ENTREP2: variants seen among roughly 807,000 people sequenced by gnomAD.
ENTREP2 encodes the protein endosomal transmembrane epsin interactor 2, also known as protein ENTREP2.
chr15:29,436,132 G>A, the ENTREP2 span, among the ~76,000 whole-genome samples: 1 of 152,190 alleles, frequency 6.6e-6, no homozygotes, highest in Non-Finnish European at 1.5e-5. Context: ...CAGTTCAGAT[G>A]TCGGAGATCT....
chr15:29,292,298 CTTTT>C, the ENTREP2 span, among the ~76,000 whole-genome samples: 1 of 151,912 alleles, frequency 6.6e-6, no homozygotes, highest in Non-Finnish European at 1.5e-5. Flanking sequence ...TTCTTTCCTT[CTTTT>C]TCTCTTTCTT....
the ENTREP2 span, among the ~76,000 whole-genome samples, chr15:29,598,691 CTTTCTTTCTTTT>C: frequency 8.6e-6 from 1 of 116,696 alleles, no homozygotes; most frequent in African/African-American, 2.8e-5. Context: ...TCTTTTTTTT[CTTTCTTTCTTTT>C]TTTCTTTTTT....
chr15:29,283,982 T>G, the ENTREP2 span, among the ~76,000 whole-genome samples: 1 of 151,910 alleles, frequency 6.6e-6, no homozygotes, highest in Non-Finnish European at 1.5e-5. Context: ...CAGCACAAGA[T>G]AAAAAGTTAA....
chr15:29,501,058 T>TA, the ENTREP2 span, among the ~76,000 whole-genome samples: 392 of 151,544 alleles, frequency 2.6e-3, 1 homozygote, highest in African/African-American at 8.1e-3. Context: ...TCAACTTTTC[T>TA]AAAAAAAAAT....
At chr15:29,657,329 A>C in the ENTREP2 span, among the ~76,000 whole-genome samples, 3 of 150,896 alleles carry the variant, frequency 2.0e-5, no homozygotes, top group Admixed American at 1.3e-4. Flanking sequence ...CAAAGCGCCC[A>C]CCAGTGTTAC....
chr15:29,520,559 C>T, the ENTREP2 span, among the ~76,000 whole-genome samples: 15,031 of 151,152 alleles, frequency 0.099, 1,001 homozygotes, highest in Non-Finnish European at 0.15. Flanking sequence ...ATCAATTCTA[C>T]AAAACACTGC....
chr15:29,665,595 C>G, the ENTREP2 span, among the ~76,000 whole-genome samples: 1 of 152,124 alleles, frequency 6.6e-6, no homozygotes, highest in Non-Finnish European at 1.5e-5. Context: ...TGGAGAGCTG[C>G]GCTGACTCTG....
chr15:29,637,962 C>G, the ENTREP2 span, among the ~76,000 whole-genome samples: 1 of 152,130 alleles, frequency 6.6e-6, no homozygotes, highest in African/African-American at 2.4e-5. Flanking sequence ...GGAGGATGCC[C>G]CACAGTGAAG....
chr15:29,451,336 T>C, the ENTREP2 span, among the ~76,000 whole-genome samples: 41 of 152,262 alleles, frequency 2.7e-4, no homozygotes, highest in Non-Finnish European at 5.0e-4. Context: ...CTCCACATCC[T>C]TCCCCACCCC....
At chr15:29,159,164 C>G in the ENTREP2 span, among the ~76,000 whole-genome samples, 80 of 152,130 alleles carry the variant, frequency 5.3e-4, no homozygotes, top group African/African-American at 1.8e-3. Context: ...TCTGTTCGTT[C>G]TGATGTGTTT....
the ENTREP2 span, among the ~76,000 whole-genome samples, chr15:29,428,060 A>G: frequency 6.6e-6 from 1 of 152,214 alleles, no homozygotes; most frequent in Non-Finnish European, 1.5e-5. Context: ...AGACCTACCC[A>G]GAATTCATTT....
chr15:29,293,045 G>A, the ENTREP2 span, among the ~76,000 whole-genome samples: 3 of 152,138 alleles, frequency 2.0e-5, no homozygotes, highest in East Asian at 3.9e-4. Context: ...CAAAGATAAT[G>A]GCACAAAAAG....
the ENTREP2 span, among the ~76,000 whole-genome samples, chr15:29,416,215 C>T: frequency 2.6e-5 from 4 of 152,128 alleles, no homozygotes; most frequent in Non-Finnish European, 4.4e-5. Context: ...AAGAACAAAG[C>T]TGGAGGCATC....
chr15:29,597,623 A>G, the ENTREP2 span, among the ~76,000 whole-genome samples: 1 of 151,550 alleles, frequency 6.6e-6, no homozygotes, highest in African/African-American at 2.4e-5. Context: ...GCTCAGTTCT[A>G]GTTGCTGAAT....
chr15:29,570,654 C>A, the ENTREP2 span: 1 of 1,335,594 alleles, frequency 7.5e-7, no homozygotes, highest in African/African-American at 1.5e-5. Context: ...CCCGGGCACT[C>A]GCGCAGGCGG....
the ENTREP2 span, among the ~76,000 whole-genome samples, chr15:29,498,886 T>C: frequency 6.6e-6 from 1 of 152,170 alleles, no homozygotes; most frequent in Non-Finnish European, 1.5e-5. Flanking sequence ...ATTGATCCCT[T>C]TTTCATTACA....
the ENTREP2 span, among the ~76,000 whole-genome samples, chr15:29,179,051 G>T: frequency 6.6e-6 from 1 of 152,178 alleles, no homozygotes; most frequent in Non-Finnish European, 1.5e-5. Context: ...GCAGGATGTT[G>T]TATTTGTTAT....
the ENTREP2 span, among the ~76,000 whole-genome samples, chr15:29,618,992 G>A: frequency 6.6e-6 from 1 of 152,240 alleles, no homozygotes; most frequent in African/African-American, 2.4e-5. Context: ...CTGGAGTGGA[G>A]GAGGACCACA....
At chr15:29,148,963 G>A in the ENTREP2 span, among the ~76,000 whole-genome samples, 1 of 151,412 alleles carries the variant, frequency 6.6e-6, no homozygotes, top group Non-Finnish European at 1.5e-5. Flanking sequence ...TGCAACCTCC[G>A]CCTCCCAGGT....
Sources: gnomAD v4.1 joint callset for allele counts (sites outside exome capture counted in the v4.1 genomes callset) on GRCh38, gnomAD v4.1.1 for gene constraint, MANE v1.5 for transcripts, NCBI Gene and HGNC (gene_info 2026-07-23, HGNC 2026-07-21) for gene names.